Variants in SLC22A23 observed in about 807,000 individuals in gnomAD.
The protein encoded by SLC22A23 is ion transporter protein.
SLC22A23 carries 26 observed loss-of-function variants against 61.0 expected under a neutral mutation model. The ratio of observed to expected loss-of-function variants is 0.43; its 90% CI spans 0.31 to 0.59. The LOEUF (loss-of-function observed/expected upper bound fraction) is 0.59. Among genes scored for constraint, SLC22A23 ranks in the 20% least tolerant of loss-of-function variants. The probability of loss-of-function intolerance (pLI) is 0.11; values close to 1 mark genes in which losing one functional copy is unlikely to be tolerated. For synonymous variants in SLC22A23, 430 were observed against 413.9 expected, an observed-to-expected ratio of 1.04 and a Z score of -0.47; for missense variants, 796 against 934.7, an observed-to-expected ratio of 0.85 and a Z score of 1.94.
chr6:3,300,711 A>G (rs562375789), intron 4 of SLC22A23, among the ~76,000 whole-genome samples: 1 of 152,356 alleles, frequency 6.6e-6, no homozygotes, highest in African/African-American at 2.4e-5. Flanking sequence ...ATCGATATCT[A>G]ATAATTACTG....
intron 1 of SLC22A23, among the ~76,000 whole-genome samples, chr6:3,440,095 G>C (rs979662614): frequency 3.3e-5 from 5 of 152,090 alleles, no homozygotes; most frequent in African/African-American, 1.2e-4. Flanking sequence ...AAAACACTGG[G>C]ATTTAGGGAA....
intron 3 of SLC22A23, among the ~76,000 whole-genome samples, chr6:3,393,356 G>A (rs1226657551): frequency 6.6e-6 from 1 of 152,152 alleles, no homozygotes. Context: ...TAATAGCCAC[G>A]AGCCATACGT....
intron 9 of SLC22A23, among the ~76,000 whole-genome samples, chr6:3,278,690 A>G (rs1158751760): frequency 1.3e-5 from 2 of 152,220 alleles, no homozygotes; most frequent in Non-Finnish European, 2.9e-5. Context: ...AATAAGACCA[A>G]ATCCTTCTGT....
At chr6:3,444,152 A>G (rs2127553980) in intron 1 of SLC22A23, among the ~76,000 whole-genome samples, 1 of 152,318 alleles carries the variant, frequency 6.6e-6, no homozygotes, top group African/African-American at 2.4e-5. Context: ...GCAATGGTTT[A>G]TTTTAGAGGA....
chr6:3,398,803 G>A (rs1012694573), intron 3 of SLC22A23, among the ~76,000 whole-genome samples: 5 of 151,974 alleles, frequency 3.3e-5, no homozygotes, highest in Admixed American at 6.6e-5. Context: ...GCCGAGATGG[G>A]AGAACTGCTT....
At chr6:3,346,403 G>A (rs1339601114) in intron 3 of SLC22A23, among the ~76,000 whole-genome samples, 1 of 152,034 alleles carries the variant, frequency 6.6e-6, no homozygotes, top group Non-Finnish European at 1.5e-5. Context: ...TGAGAACTGG[G>A]GGCAGCAACC....
At position 3,329,884 on chromosome 6, in the gene SLC22A23, G is replaced by T. The variant is rs1043498844; in HGVS notation, c.914-5882C>A. On this transcript the variant is annotated intron_variant, in intron 3 of 9. Transcript: ENST00000406686. The surrounding 1 kb of genome is among the most constrained non-coding windows in gnomAD (Gnocchi z 4.8). ...ACTCACTGGCAGAGGGAGGTGAGACGGGCTCAGGAAAGGACAGCGTCTGCC... is the reference window on the plus strand; with the variant it reads ...ACTCACTGGCAGAGGGAGGTGAGACTGGCTCAGGAAAGGACAGCGTCTGCC... 1.3e-5 allele frequency among the ~76,000 whole-genome samples: 2 copies of T among 152,148 alleles called. No homozygotes were observed. Among genetic ancestry groups the T allele is most frequent in the Non-Finnish European group, 2.9e-5 (2 of 68,022 alleles).
At chr6:3,401,433 T>C (rs1196505540) in intron 3 of SLC22A23, among the ~76,000 whole-genome samples, 1 of 143,432 alleles carries the variant, frequency 7.0e-6, no homozygotes, top group African/African-American at 3.0e-5. Context: ...AAAAAAAAAA[T>C]ATAACTTTCT....
chr6:3,284,867 CAGGGAAGCACCAG>C, intron 8 of SLC22A23, 199 bp downstream of exon 8: 1 of 1,526,404 alleles, frequency 6.6e-7, no homozygotes, highest in Non-Finnish European at 8.8e-7. Flanking sequence ...AGCACACAAA[CAGGGAAGCACCAG>C]TCGCTCTTTC....
chr6:3,299,893 ATC>A (rs1221738938), intron 4 of SLC22A23, among the ~76,000 whole-genome samples: 1 of 151,428 alleles, frequency 6.6e-6, no homozygotes, highest in Non-Finnish European at 1.5e-5. Context: ...TGTTCTAGTT[ATC>A]ACTCCACTTT....
At chr6:3,343,784 T>C (rs965493539) in intron 3 of SLC22A23, among the ~76,000 whole-genome samples, 1 of 152,138 alleles carries the variant, frequency 6.6e-6, no homozygotes, top group Non-Finnish European at 1.5e-5. Context: ...CTGTCAAACA[T>C]TGGTGCCGAA....
chr6:3,357,072 A>C (rs1011259183), intron 3 of SLC22A23, among the ~76,000 whole-genome samples: 8 of 151,440 alleles, frequency 5.3e-5, no homozygotes, highest in East Asian at 3.9e-4. Context: ...AAAAAAAAAA[A>C]AAAAAAAAAA....
chr6:3,348,881 A>C (rs528916696), intron 3 of SLC22A23, among the ~76,000 whole-genome samples: 1 of 152,270 alleles, frequency 6.6e-6, no homozygotes, highest in Admixed American at 6.5e-5. Flanking sequence ...AGGGCTTAGG[A>C]ATTTAGAGGC....
chr6:3,431,737 G>A (rs1373399427), intron 1 of SLC22A23, among the ~76,000 whole-genome samples: 1 of 152,204 alleles, frequency 6.6e-6, no homozygotes, highest in Non-Finnish European at 1.5e-5. Flanking sequence ...TGAGGCCAAA[G>A]GAGGAGGGGT....
At position 3,427,117 on chromosome 6, in the gene SLC22A23, G is replaced by A. The variant is rs533401155; in HGVS notation, c.655-11262C>T. Among the ~76,000 whole-genome samples, 1 of 152,272 alleles carries A rather than the reference G, an allele frequency of 6.6e-6. No homozygotes were observed. The highest frequency in any genetic ancestry group is 2.1e-4 in the South Asian group (1 of 4,826). On this transcript the variant is annotated intron_variant, in intron 1 of 9. Transcript: ENST00000406686. The surrounding 1 kb of genome is among the most constrained non-coding windows in gnomAD (Gnocchi z 4.3). ...CCAGTTTTATTTCTAGTTTCGCCCC[G>A]CGGTCATCAGGGCAAGCTTTTTCAC... is the stretch of plus-strand genomic sequence containing the variant.
At chr6:3,316,054 C>A (rs554582069) in intron 4 of SLC22A23, among the ~76,000 whole-genome samples, 11 of 152,136 alleles carry the variant, frequency 7.2e-5, no homozygotes, top group African/African-American at 2.7e-4. Flanking sequence ...CCACCACAGG[C>A]GTTTTTATTC....
Position 3,270,505 on chromosome 6 carries a change from G to A in SLC22A23, c.*2550C>T, listed in dbSNP as rs765331950. Reference sequence around the variant, plus strand: ...TGAAGCTGCCACCAAACAGGCACCCGGCCTCCTCCTCCTCAGGCTGCCCTG... The same window carrying A: ...TGAAGCTGCCACCAAACAGGCACCCAGCCTCCTCCTCCTCAGGCTGCCCTG... On this transcript the variant is annotated 3_prime_UTR_variant, in exon 10 of 10. Transcript: ENST00000406686. 2 of 152,320 alleles carry A rather than the reference G, an allele frequency of 1.3e-5. No individual in the cohort carries two copies. Among genetic ancestry groups the A allele is most frequent in the Non-Finnish European group, 2.9e-5 (2 of 68,042 alleles). 9.4% of individuals were successfully genotyped at this position (152,320 alleles called of 1,614,324 possible).
At chr6:3,443,822 T>C (rs1270104434) in intron 1 of SLC22A23, among the ~76,000 whole-genome samples, 3 of 152,144 alleles carry the variant, frequency 2.0e-5, no homozygotes, top group African/African-American at 7.2e-5. Context: ...TGTTGGCCGT[T>C]GCTTGACCAG....
intron 3 of SLC22A23, among the ~76,000 whole-genome samples, chr6:3,391,941 C>A (rs142533638): frequency 6.6e-6 from 1 of 152,138 alleles, no homozygotes; most frequent in East Asian, 1.9e-4. Flanking sequence ...GCTGAAAGAT[C>A]CATCTGGCTG....
Sources: allele counts gnomAD v4.1 joint callset (sites outside exome capture counted in the v4.1 genomes callset), GRCh38; gene constraint gnomAD v4.1.1; non-coding constraint Gnocchi (gnomAD v3.1); transcripts MANE v1.5; gene names NCBI Gene and HGNC (gene_info 2026-07-23, HGNC 2026-07-21).